Variants in TBC1D19 observed in about 807,000 individuals in gnomAD.
The protein encoded by TBC1D19 is TBC1 domain family member 19.
In TBC1D19, 60 loss-of-function variants were observed where a neutral mutation model predicts 89.0. That is an observed-to-expected ratio of 0.67 (90% confidence interval 0.55 to 0.84). The LOEUF (loss-of-function observed/expected upper bound fraction) is 0.84. TBC1D19 is among the 40% of genes least tolerant of loss of function. The probability of loss-of-function intolerance (pLI) is 0.00; values close to 1 mark genes in which losing one functional copy is unlikely to be tolerated. For missense variants in TBC1D19, 500 were observed against 610.8 expected (o/e 0.82, Z 1.91); for synonymous variants, 189 against 199.7 (o/e 0.95, Z 0.45).
intron 13 of TBC1D19, among the ~76,000 whole-genome samples, chr4:26,705,319 C>T (rs1715654680): frequency 6.6e-6 from 1 of 152,048 alleles, no homozygotes; most frequent in Non-Finnish European, 1.5e-5. Flanking sequence ...TTGTTGTTAT[C>T]ATCTGTGCCT....
chr4:26,711,390 G>A (rs1716177828), intron 13 of TBC1D19, among the ~76,000 whole-genome samples: 1 of 151,958 alleles, frequency 6.6e-6, no homozygotes, highest in Admixed American at 6.6e-5. Flanking sequence ...AAATGTAAGA[G>A]TATCACAAAT....
intron 1 of TBC1D19, among the ~76,000 whole-genome samples, chr4:26,598,820 T>C (rs998522338): frequency 6.6e-6 from 1 of 152,108 alleles, no homozygotes; most frequent in Non-Finnish European, 1.5e-5. Flanking sequence ...AAAAGGATTA[T>C]GAATCTGTAC....
chr4:26,584,147 C>T lies in TBC1D19; in HGVS notation c.-47C>T. 6.3e-7 allele frequency: 1 copy of T among 1,582,098 alleles called. No homozygotes were observed. ...GTGGGACCCGGTAGCCCGTTCGCTC[C>T]GCGCCGGCGGCCTGTCCCCGCGGCT... is the stretch of plus-strand genomic sequence containing the variant. On this transcript the variant is annotated 5_prime_UTR_variant, in exon 1 of 21. Coordinates refer to ENST00000264866, the MANE Select transcript of TBC1D19 (RefSeq NM_018317.4).
chr4:26,809,433 C>T, the TBC1D19 span, among the ~76,000 whole-genome samples: 1 of 152,118 alleles, frequency 6.6e-6, no homozygotes, highest in African/African-American at 2.4e-5. Flanking sequence ...TCCTATTGGG[C>T]AGGAGAAAGA....
At chr4:26,744,352 CTGT>C (rs1209006653) in intron 18 of TBC1D19, among the ~76,000 whole-genome samples, 1 of 151,308 alleles carries the variant, frequency 6.6e-6, no homozygotes, top group African/African-American at 2.4e-5. Flanking sequence ...TTCTTTTTCT[CTGT>C]TGTTTTTCTA....
At chr4:26,798,183 C>G in the TBC1D19 span, among the ~76,000 whole-genome samples, 4 of 152,048 alleles carry the variant, frequency 2.6e-5, no homozygotes, top group African/African-American at 9.7e-5. Context: ...ACAAGGAACT[C>G]AAACAACTCA....
chr4:26,759,838 C>T (rs1578027459), downstream of TBC1D19, among the ~76,000 whole-genome samples: 1 of 152,130 alleles, frequency 6.6e-6, no homozygotes, highest in African/African-American at 2.4e-5. Context: ...GAGTATTTCA[C>T]AATTTTTTTA....
chr4:26,835,314 C>G, the TBC1D19 span, among the ~76,000 whole-genome samples: 1 of 152,130 alleles, frequency 6.6e-6, no homozygotes. Flanking sequence ...TGGATTCTCC[C>G]CTAGAGCCTG....
rs1232963712 is a variant in TBC1D19, at chr4:26,729,416, CA to C, written c.1085-6037del. On this transcript the variant is annotated intron_variant, in intron 15 of 20. Transcript: ENST00000264866. Reference sequence around the variant, plus strand: ...AAAATATATTTCCTATCCTCAGGAACAACCTGTTAAACAGCTAATTATAACA... The same window carrying C: ...AAAATATATTTCCTATCCTCAGGAACACCTGTTAAACAGCTAATTATAACA... Among the ~76,000 whole-genome samples, 4 of 152,324 alleles carry C rather than the reference CA, an allele frequency of 2.6e-5. No individual in the cohort carries two copies. The South Asian group carries it at 6.2e-4, about 24-fold the overall frequency.
At chr4:26,593,227 A>C (rs991371731) in intron 1 of TBC1D19, among the ~76,000 whole-genome samples, 11 of 152,184 alleles carry the variant, frequency 7.2e-5, no homozygotes, top group African/African-American at 1.9e-4. Flanking sequence ...TGAGAAAAAC[A>C]AGCAATGGGG....
chr4:26,666,486 T>C, intron 9 of TBC1D19, 81 bp downstream of exon 9: 1 of 1,211,784 alleles, frequency 8.3e-7, no homozygotes, highest in Admixed American at 2.1e-5. Context: ...CAAGTTAATC[T>C]AGCAATTTTT....
chr4:26,702,887 A>C (rs530528337), intron 13 of TBC1D19, among the ~76,000 whole-genome samples: 2 of 152,236 alleles, frequency 1.3e-5, no homozygotes, highest in African/African-American at 2.4e-5. Flanking sequence ...CGGGCCCAGC[A>C]GTCACCATTC....
intron 15 of TBC1D19, among the ~76,000 whole-genome samples, chr4:26,721,706 T>G (rs1008143153): frequency 2.0e-5 from 3 of 152,196 alleles, no homozygotes; most frequent in Non-Finnish European, 4.4e-5. Context: ...GAGGACCTCT[T>G]GAGTCTGATC....
chr4:26,604,660 G>T (rs1450224159), intron 1 of TBC1D19, among the ~76,000 whole-genome samples: 1 of 151,002 alleles, frequency 6.6e-6, no homozygotes, highest in Non-Finnish European at 1.5e-5. Flanking sequence ...CGGATCACGA[G>T]GTTGGGAGAT....
chr4:26,647,101 A>G lies in TBC1D19; in HGVS notation c.480+6914A>G, dbSNP rs771857865. Among the ~76,000 whole-genome samples the G allele has an allele frequency of 4.8e-4, 73 of 152,146 alleles. 1 individual carries two copies. Among genetic ancestry groups the G allele is most frequent in the Admixed American group, 7.9e-4 (12 of 15,268 alleles). ...GACAACAACACTGGAAATGGAAACA[A>G]TTTGATGGATTTGAAAGAGATTTTA... is the stretch of plus-strand genomic sequence containing the variant. On this transcript the variant is annotated intron_variant, in intron 7 of 20. Coordinates refer to ENST00000264866, the MANE Select transcript of TBC1D19 (RefSeq NM_018317.4).
chr4:26,604,598 T>C (rs977924000), intron 1 of TBC1D19, among the ~76,000 whole-genome samples: 1 of 150,706 alleles, frequency 6.6e-6, no homozygotes, highest in African/African-American at 2.4e-5. Flanking sequence ...GGGCCGGGCA[T>C]GGTGGCTCAC....
In TBC1D19 at chr4:26,748,458, T is replaced by C; in HGVS notation, c.1367T>C (p.Leu456Ser). The change falls in exon 19 of 21, where the codon TTA becomes TCA. Residue 456 changes from leucine to serine, a missense_variant. Physicochemically the swap from Leu to Ser is moderately radical, Grantham distance 145. This residue lies in a region of TBC1D19 where 220 missense variants were observed against 319.1 expected (regional missense o/e 0.69). Coordinates refer to ENST00000264866, the MANE Select transcript of TBC1D19 (RefSeq NM_018317.4). ...ATGGTTCGAGCTTTCTCTGGATACT[T>C]AGCTACAGATCAGCTCTTGCTTTTA... ...KWMVRAFSGY[L>S]ATDQLLLLWD... The C allele has an allele frequency of 4.3e-6, 7 of 1,613,980 alleles. No individual in the cohort carries two copies. The highest frequency in any genetic ancestry group is 5.9e-6 in the Non-Finnish European group (7 of 1,179,886).
At chr4:26,621,042 A>G (rs916997347) in intron 4 of TBC1D19, among the ~76,000 whole-genome samples, 1 of 152,224 alleles carries the variant, frequency 6.6e-6, no homozygotes, top group Non-Finnish European at 1.5e-5. Flanking sequence ...TTTCCTTAAA[A>G]TTTTGGCCTT....
At chr4:26,770,318 G>A in the TBC1D19 span, among the ~76,000 whole-genome samples, 2 of 152,030 alleles carry the variant, frequency 1.3e-5, no homozygotes, top group Non-Finnish European at 2.9e-5. Context: ...AAAGCAGCAA[G>A]CATTATCATG....
Sources: allele counts gnomAD v4.1 joint callset (sites outside exome capture counted in the v4.1 genomes callset), GRCh38; gene constraint gnomAD v4.1.1; regional missense constraint gnomAD v4.1.1; transcripts MANE v1.5; gene names NCBI Gene and HGNC (gene_info 2026-07-23, HGNC 2026-07-21).